Variants in TTL observed in about 807,000 individuals in gnomAD.
TTL encodes tubulin tyrosine ligase, also known as tubulin--tyrosine ligase.
In TTL, 10 loss-of-function variants were observed where a neutral mutation model predicts 41.1. The observed-to-expected ratio is 0.24, with a 90% CI of 0.15 to 0.41. The LOEUF is 0.41. TTL is among the 10% of genes least tolerant of loss of function. The probability of loss-of-function intolerance (pLI) is 1.00; values close to 1 mark genes in which losing one functional copy is unlikely to be tolerated. For missense variants in TTL, 367 were observed against 460.4 expected, an observed-to-expected ratio of 0.80 and a Z score of 1.86; for synonymous variants, 175 against 175.5, an observed-to-expected ratio of 1.00 and a Z score of 0.02.
Position 112,534,459 on chromosome 2 carries a change from C to T in TTL, c.*5664C>T, listed in dbSNP as rs995816459. 1.3e-5 allele frequency: 2 copies of T among 152,786 alleles called. No homozygotes were observed. Among genetic ancestry groups the T allele is most frequent in the African/African-American group, 4.8e-5 (2 of 41,422 alleles). 9.5% of individuals were successfully genotyped at this position (152,786 alleles called of 1,614,324 possible). On this transcript the variant is annotated 3_prime_UTR_variant, in exon 7 of 7. Transcript: ENST00000233336. Reference sequence around the variant, plus strand: ...AGCCTCGGCCACACAATCATGCTGACATCCAGCAGCAGAGCAGCCACCGTA... The same window carrying T: ...AGCCTCGGCCACACAATCATGCTGATATCCAGCAGCAGAGCAGCCACCGTA...
In TTL at chr2:112,528,662, T is replaced by G; in HGVS notation, c.1020-19T>G. On this transcript the variant is annotated intron_variant, in intron 6 of 6. Transcript: ENST00000233336. ...CTTTGATGAACATCCTCAATGATAT[T>G]TTTAAAAACACATTTCAGGAAGCTC... 6.3e-7 allele frequency: 1 copy of G among 1,599,608 alleles called. No homozygotes were observed. Among genetic ancestry groups the G allele is most frequent in the Non-Finnish European group, 8.6e-7 (1 of 1,168,168 alleles).
intron 6 of TTL, among the ~76,000 whole-genome samples, chr2:112,523,762 G>C (rs1682302722): frequency 3.7e-5 from 3 of 80,524 alleles, no homozygotes; most frequent in Non-Finnish European, 7.3e-5. Flanking sequence ...TATATACAGT[G>C]GCAACCAGTT....
intron 1 of TTL, among the ~76,000 whole-genome samples, chr2:112,484,235 T>G (rs1243672776): frequency 2.8e-5 from 3 of 109,086 alleles, no homozygotes; most frequent in Admixed American, 1.8e-4. Context: ...TTTGTATGTG[T>G]TTTTTTTTTT....
chr2:112,509,739 G>A (rs1170882101), intron 5 of TTL, among the ~76,000 whole-genome samples: 8 of 152,190 alleles, frequency 5.3e-5, no homozygotes, highest in East Asian at 1.9e-4. Flanking sequence ...AGATGAACCC[G>A]GTAAGGTACC....
intron 5 of TTL, among the ~76,000 whole-genome samples, chr2:112,516,651 GCAAC>G (rs1185286391): frequency 6.6e-6 from 1 of 152,192 alleles, no homozygotes; most frequent in Non-Finnish European, 1.5e-5. Flanking sequence ...TCCAGCCTGA[GCAAC>G]AGAGCAAGAT....
At chr2:112,496,541 A>G (rs1452344212) in intron 3 of TTL, among the ~76,000 whole-genome samples, 2 of 152,076 alleles carry the variant, frequency 1.3e-5, no homozygotes, top group Admixed American at 6.6e-5. Context: ...TCTATAACAG[A>G]AAATTATTGT....
chr2:112,490,666 A>T (rs903497353), intron 2 of TTL, among the ~76,000 whole-genome samples: 6 of 132,952 alleles, frequency 4.5e-5, no homozygotes, highest in Non-Finnish European at 1.6e-5. Context: ...TCTGCCTCCC[A>T]GTTCAAGCGA....
chr2:112,511,510 T>C, intron 5 of TTL, among the ~76,000 whole-genome samples: 1 of 152,066 alleles, frequency 6.6e-6, no homozygotes, highest in East Asian at 1.9e-4. Flanking sequence ...TTTAGGATTG[T>C]TATCTCTTCT....
chr2:112,534,557 TC>T lies in TTL; in HGVS notation c.*5764del, dbSNP rs988511022. On this transcript the variant is annotated 3_prime_UTR_variant, in exon 7 of 7. Coordinates refer to ENST00000233336, the MANE Select transcript of TTL (RefSeq NM_153712.5). ...ATTGCCATTTGGCCTTTTTGGTAGT[TC>T]CATGTAAGTCCCTACTCCTAGGTCT... 6.6e-6 allele frequency: 1 copy of T among 152,374 alleles called. No homozygotes were observed. The highest frequency in any genetic ancestry group is 2.1e-4 in the South Asian group (1 of 4,830). The allele number at this position is 152,374 out of a possible 1,614,324, so 9.4% of individuals were successfully genotyped here. A position where few individuals can be genotyped will look rare whatever the true frequency, so the allele number is the denominator to read the frequency against.
intron 6 of TTL, 119 bp downstream of exon 6, chr2:112,520,544 A>G: frequency 7.1e-7 from 1 of 1,399,266 alleles, no homozygotes; most frequent in Non-Finnish European, 9.7e-7. Context: ...CAGTGATAGG[A>G]GACCCTTGGG....
chr2:112,512,588 G>A (rs563783633), intron 5 of TTL, among the ~76,000 whole-genome samples: 7 of 152,058 alleles, frequency 4.6e-5, no homozygotes, highest in African/African-American at 1.7e-4. Flanking sequence ...GTAGAGATGA[G>A]GTTTCTCCAT....
intron 6 of TTL, among the ~76,000 whole-genome samples, chr2:112,527,614 A>G (rs903865346): frequency 1.1e-4 from 16 of 152,054 alleles, no homozygotes; most frequent in Non-Finnish European, 7.4e-5. Flanking sequence ...AGTCTGTTTT[A>G]TCAGAGACTA....
intron 5 of TTL, among the ~76,000 whole-genome samples, chr2:112,510,171 G>T (rs1465132638): frequency 6.6e-6 from 1 of 152,010 alleles, no homozygotes; most frequent in Non-Finnish European, 1.5e-5. Flanking sequence ...TCATTTTATT[G>T]CCTAGGCTGG....
Position 112,539,293 on chromosome 2 carries a change from C to T in TTL, c.*10498C>T, listed in dbSNP as rs10200067. The T allele has an allele frequency of 0.16, 24,221 of 151,784 alleles. 3,085 individuals are homozygous for T. The highest frequency in any genetic ancestry group is 0.34 in the African/African-American group (13,951 of 41,298). 9.4% of individuals were successfully genotyped at this position (151,784 alleles called of 1,614,324 possible). A position where few individuals can be genotyped will look rare whatever the true frequency, so the allele number is the denominator to read the frequency against. On this transcript the variant is annotated 3_prime_UTR_variant, in exon 7 of 7. Coordinates refer to ENST00000233336, the MANE Select transcript of TTL (RefSeq NM_153712.5). The stretch of plus-strand genomic sequence containing the variant: ...ACCCAATATACCTTTGTAACAAATT[C>T]GCACATGTACCCCCCTGATTCTAAA...
chr2:112,522,207 C>G (rs1363609964), intron 6 of TTL: 1 of 152,564 alleles, frequency 6.6e-6, no homozygotes, highest in East Asian at 1.9e-4. Flanking sequence ...TTCTCCAGTT[C>G]CCTTCACAGC....
At chr2:112,489,632 C>T (rs1370137464) in intron 2 of TTL, among the ~76,000 whole-genome samples, 6 of 152,124 alleles carry the variant, frequency 3.9e-5, no homozygotes, top group Non-Finnish European at 8.8e-5. Flanking sequence ...GTTTTTGCAG[C>T]CAATTTTCAT....
intron 5 of TTL, among the ~76,000 whole-genome samples, chr2:112,518,678 CTT>C (rs11421229): frequency 5.7e-5 from 8 of 140,096 alleles, no homozygotes; most frequent in Middle Eastern, 3.3e-3. Context: ...TTTTTCTTTT[CTT>C]TTTTTTTTTT....
At position 112,531,736 on chromosome 2, in the gene TTL, C is replaced by G. The variant is rs571253479; in HGVS notation, c.*2941C>G. ...ACACAAGCATTTCTTTAAGGATGAC[C>G]GGATGTTGCCGTATGTATTTATGGC... On this transcript the variant is annotated 3_prime_UTR_variant, in exon 7 of 7. Transcript: ENST00000233336. 1 of 222,556 alleles carries G rather than the reference C, an allele frequency of 4.5e-6. No individual in the cohort carries two copies. Among genetic ancestry groups the G allele is most frequent in the Non-Finnish European group, 9.0e-6 (1 of 111,556 alleles). 13.8% of individuals were successfully genotyped at this position (222,556 alleles called of 1,614,324 possible). A position where few individuals can be genotyped will look rare whatever the true frequency, so the allele number is the denominator to read the frequency against.
intron 6 of TTL, among the ~76,000 whole-genome samples, chr2:112,526,290 T>G (rs1367950725): frequency 2.0e-5 from 3 of 152,246 alleles, no homozygotes; most frequent in African/African-American, 7.2e-5. Flanking sequence ...GTCAGGATGA[T>G]GCTGGCCTCA....
Sources: gnomAD v4.1 joint callset for allele counts (sites outside exome capture counted in the v4.1 genomes callset) on GRCh38, gnomAD v4.1.1 for gene constraint, MANE v1.5 for transcripts, NCBI Gene and HGNC (gene_info 2026-07-23, HGNC 2026-07-21) for gene names.